The following CEP128 variants were observed in gnomAD, a reference collection of about 807,000 sequenced individuals.
The protein encoded by CEP128 is centrosomal protein 128.
CEP128 carries 132 observed loss-of-function variants against 156.7 expected under a neutral mutation model. The ratio of observed to expected loss-of-function variants is 0.84; its 90% CI spans 0.73 to 0.97. The LOEUF (loss-of-function observed/expected upper bound fraction) is 0.97. Among genes scored for constraint, CEP128 ranks in the 50% least tolerant of loss-of-function variants. The pLI, the probability that CEP128 is intolerant of heterozygous loss-of-function variation, is 0.00. For synonymous variants in CEP128, 469 were observed against 448.9 expected, an observed-to-expected ratio of 1.04 and a Z score of -0.57; for missense variants, 1,252 against 1,281.9, an observed-to-expected ratio of 0.98 and a Z score of 0.36.
At chr14:80,718,259 A>AT (rs1944452023) in intron 19 of CEP128, among the ~76,000 whole-genome samples, 1 of 152,328 alleles carries the variant, frequency 6.6e-6, no homozygotes, top group African/African-American at 2.4e-5. Context: ...CATTAACTCT[A>AT]ATATAGAGAT....
intron 15 of CEP128, among the ~76,000 whole-genome samples, chr14:80,780,082 TTTTAAA>T (rs1330133450): frequency 5.3e-5 from 8 of 152,270 alleles, no homozygotes; most frequent in African/African-American, 1.9e-4. Context: ...CATTAAAACA[TTTTAAA>T]TTTAAATTTA....
At chr14:80,653,330 T>C (rs8007955) in intron 19 of CEP128, among the ~76,000 whole-genome samples, 82,203 of 151,754 alleles carry the variant, frequency 0.54, 23,027 homozygotes, top group Non-Finnish European at 0.59. Flanking sequence ...ACTTAAAGTT[T>C]AATAATAAAA....
intron 23 of CEP128, among the ~76,000 whole-genome samples, chr14:80,513,668 G>T (rs1218059059): frequency 6.6e-6 from 1 of 152,042 alleles, no homozygotes; most frequent in East Asian, 1.9e-4. Flanking sequence ...CTGTCTAAGG[G>T]GTCTGGAGAG....
At chr14:80,619,407 A>ACACACACACACAC (rs1893375329) in intron 19 of CEP128, among the ~76,000 whole-genome samples, 3 of 73,796 alleles carry the variant, frequency 4.1e-5, no homozygotes. Flanking sequence ...CACACACACA[A>ACACACACACACAC]ATAGAAAACA....
intron 9 of CEP128, among the ~76,000 whole-genome samples, chr14:80,840,982 T>C (rs1156821976): frequency 6.6e-6 from 1 of 152,132 alleles, no homozygotes; most frequent in African/African-American, 2.4e-5. Context: ...TTCCTTTTTT[T>C]CCCCATCTTT....
At chr14:80,644,325 G>A (rs1208171794) in intron 19 of CEP128, among the ~76,000 whole-genome samples, 1 of 152,168 alleles carries the variant, frequency 6.6e-6, no homozygotes, top group Non-Finnish European at 1.5e-5. Context: ...TTAGGCACCT[G>A]TCATATGCAC....
At chr14:80,928,777 A>T (rs1253535650) in intron 2 of CEP128, among the ~76,000 whole-genome samples, 1 of 152,146 alleles carries the variant, frequency 6.6e-6, no homozygotes, top group African/African-American at 2.4e-5. Flanking sequence ...CCTATAAAAA[A>T]TTTAAGAAGA....
rs906459894 is a variant in CEP128 at position 80,679,858 on chromosome 14, T to C, written c.2806+63217A>G. Among the ~76,000 whole-genome samples the C allele has an allele frequency of 6.6e-5, 10 of 152,208 alleles. No homozygotes were observed. In the East Asian group the frequency reaches 1.5e-3, roughly 23 times the overall value. On this transcript the variant is annotated intron_variant, in intron 19 of 24. Transcript: ENST00000555265. Reference sequence around the variant, plus strand: ...GGTGGGCAACACAGTCCTACCAATATGTGATGTCACCCCCGGAGGCCCAGC... The same window carrying C: ...GGTGGGCAACACAGTCCTACCAATACGTGATGTCACCCCCGGAGGCCCAGC...
chr14:80,519,425 T>C (rs1888635641), intron 23 of CEP128, among the ~76,000 whole-genome samples: 1 of 152,260 alleles, frequency 6.6e-6, no homozygotes, highest in South Asian at 2.1e-4. Context: ...AGACAAATGA[T>C]ACATTTAATT....
At chr14:80,627,711 C>A (rs868370510) in intron 19 of CEP128, among the ~76,000 whole-genome samples, 2 of 148,730 alleles carry the variant, frequency 1.3e-5, no homozygotes, top group Non-Finnish European at 3.0e-5. Flanking sequence ...TTAGAAAGTC[C>A]ATTTTTATTT....
At chr14:80,955,713 G>A (rs1566735288) in intron 2 of CEP128, 2 of 1,614,144 alleles carry the variant, frequency 1.2e-6, no homozygotes, top group Non-Finnish European at 8.5e-7. Context: ...AGCTGGTGCT[G>A]CTGCTCGACC....
intron 19 of CEP128, among the ~76,000 whole-genome samples, chr14:80,642,477 G>A (rs1894458770): frequency 6.6e-6 from 1 of 152,086 alleles, no homozygotes; most frequent in Non-Finnish European, 1.5e-5. Context: ...GAGGCCAGGA[G>A]TTCAGGACCA....
intron 14 of CEP128, among the ~76,000 whole-genome samples, chr14:80,787,202 G>A (rs373058382): frequency 1.6e-4 from 25 of 152,262 alleles, no homozygotes; most frequent in Middle Eastern, 3.4e-3. Context: ...TGTATCAGCT[G>A]GCCAGGGCGC....
At chr14:80,703,761 T>G (rs1897148251) in intron 19 of CEP128, among the ~76,000 whole-genome samples, 1 of 152,072 alleles carries the variant, frequency 6.6e-6, no homozygotes, top group African/African-American at 2.4e-5. Context: ...TATCTGAATT[T>G]CACTAGTTTT....
intron 19 of CEP128, among the ~76,000 whole-genome samples, chr14:80,623,524 T>C (rs1244977762): frequency 6.6e-6 from 1 of 151,666 alleles, no homozygotes; most frequent in Non-Finnish European, 1.5e-5. Context: ...ATTTAAAGCA[T>C]GGTTTCAGGT....
chr14:80,678,045 A>ATATAT (rs1555390192), intron 19 of CEP128, among the ~76,000 whole-genome samples: 1 of 30,688 alleles, frequency 3.3e-5, no homozygotes. Flanking sequence ...CTCTATAAAA[A>ATATAT]AAAAATATAT....
Position 80,906,095 on chromosome 14 carries a change from T to C in CEP128, c.235-14A>G. 2 of 1,564,526 alleles carry C rather than the reference T, an allele frequency of 1.3e-6. No individual in the cohort carries two copies. Among genetic ancestry groups the C allele is most frequent in the South Asian group, 2.4e-5 (2 of 83,638 alleles). ...GCTTTCTTTTAACTAATTTAAAGAA[T>C]ATAATGAATGAAGCGTTATTCTTCT... is the stretch of plus-strand genomic sequence containing the variant. On this transcript the variant is annotated splice_polypyrimidine_tract_variant and intron_variant, in intron 4 of 24. Coordinates refer to ENST00000555265, the MANE Select transcript of CEP128 (RefSeq NM_152446.5).
intron 19 of CEP128, among the ~76,000 whole-genome samples, chr14:80,703,526 G>T (rs1897141685): frequency 6.6e-6 from 1 of 151,604 alleles, no homozygotes; most frequent in Non-Finnish European, 1.5e-5. Flanking sequence ...AAAAAAAAGT[G>T]TTTACTATTT....
At chr14:80,695,024 G>T (rs958410583) in intron 19 of CEP128, among the ~76,000 whole-genome samples, 2 of 151,786 alleles carry the variant, frequency 1.3e-5, no homozygotes, top group African/African-American at 4.8e-5. Flanking sequence ...TTATTAAGGT[G>T]ATCTTATTAG....
Sources: gnomAD v4.1 joint callset for allele counts (sites outside exome capture counted in the v4.1 genomes callset) on GRCh38, gnomAD v4.1.1 for gene constraint, MANE v1.5 for transcripts, NCBI Gene and HGNC (gene_info 2026-07-23, HGNC 2026-07-21) for gene names.